The following DMD variants were observed in gnomAD, a reference collection of about 807,000 sequenced individuals.
The protein encoded by DMD is mutant dystrophin.
DMD carries 63 observed loss-of-function variants against 330.1 expected under a neutral mutation model. That is an observed-to-expected ratio of 0.19 (90% confidence interval 0.16 to 0.24). The LOEUF is 0.24. Among genes scored for constraint, DMD ranks in the 10% least tolerant of loss-of-function variants. The pLI, the probability that DMD is intolerant of heterozygous loss-of-function variation, is 1.00. For missense variants in DMD, 3,344 were observed against 2,684.1 expected (o/e 1.25, Z -5.43); for synonymous variants, 1,223 against 959.8 (o/e 1.27, Z -5.07).
At chrX:32,474,208 T>TACACACACACACACAC (rs3045001) in intron 21 of DMD, among the ~76,000 whole-genome samples, 2 of 41,281 alleles carry the variant, frequency 4.8e-5, no homozygotes, top group African/African-American at 8.9e-5. Flanking sequence ...CATACATACA[T>TACACACACACACACAC]ACACACACAC....
At position 32,087,083 on chromosome X, in the gene DMD, T is replaced by A. The variant is rs1446007225; in HGVS notation, c.6439-118569A>T. Among the ~76,000 whole-genome samples, 3 of 111,676 alleles carry A rather than the reference T, an allele frequency of 2.7e-5. No individual in the cohort carries two copies. The East Asian group carries it at 8.4e-4, about 31-fold the overall frequency. ...TTGCCTATCTTAACCACCACTCCCT[T>A]TCTAATGACTAGGAAAGAGTATAAT... On this transcript the variant is annotated intron_variant, in intron 44 of 78. Transcript: ENST00000357033.
chrX:32,706,136 A>G (rs1403006968), intron 7 of DMD, among the ~76,000 whole-genome samples: 1 of 102,684 alleles, frequency 9.7e-6, no homozygotes, highest in African/African-American at 3.6e-5. Flanking sequence ...ACAAAAAACC[A>G]AACACTGCAT....
At chrX:31,921,762 G>C (rs188043516) in intron 47 of DMD, among the ~76,000 whole-genome samples, 91 of 111,890 alleles carry the variant, frequency 8.1e-4, no homozygotes, top group Non-Finnish European at 6.6e-4. Flanking sequence ...GAATTTTATG[G>C]ATGTTATAAC....
chrX:32,634,500 C>T (rs1317413578), intron 11 of DMD, among the ~76,000 whole-genome samples: 1 of 112,188 alleles, frequency 8.9e-6, no homozygotes, highest in South Asian at 3.7e-4. Flanking sequence ...CAAGTACTGC[C>T]TGGCTACAGC....
intron 44 of DMD, among the ~76,000 whole-genome samples, chrX:32,155,927 C>T (rs1225286000): frequency 9.3e-6 from 1 of 107,221 alleles, no homozygotes; most frequent in African/African-American, 3.4e-5. Context: ...TGCTGAACAG[C>T]TCCAGAGGGT....
At chrX:31,341,919 A>G (rs997891335) in intron 61 of DMD, among the ~76,000 whole-genome samples, 16 of 109,382 alleles carry the variant, frequency 1.5e-4, no homozygotes, top group African/African-American at 4.4e-4. Context: ...ACACACACAC[A>G]CGCATGTACA....
chrX:32,181,692 C>A (rs1456734), intron 44 of DMD, among the ~76,000 whole-genome samples: 25,033 of 110,480 alleles, frequency 0.23, 2,259 homozygotes, highest in East Asian at 0.36. Flanking sequence ...GGCAGATCTA[C>A]AGTGGAATAG....
chrX:32,595,105 A>G (rs1321556925), intron 13 of DMD, among the ~76,000 whole-genome samples: 1 of 112,032 alleles, frequency 8.9e-6, no homozygotes, highest in Non-Finnish European at 1.9e-5. Flanking sequence ...GGAAGGCAGT[A>G]GCCATTAAAG....
chrX:31,943,878 T>A (rs111317065), intron 45 of DMD, among the ~76,000 whole-genome samples: 817 of 73,362 alleles, frequency 0.011, no homozygotes, highest in South Asian at 0.015. Context: ...CCCCAGAGAG[T>A]GAGAGAGAGA....
intron 44 of DMD, among the ~76,000 whole-genome samples, chrX:32,092,364 A>C (rs1248306321): frequency 8.9e-6 from 1 of 111,928 alleles, no homozygotes; most frequent in Non-Finnish European, 1.9e-5. Flanking sequence ...ACTTCAGACA[A>C]GGCCCCTTCT....
At chrX:33,148,397 A>G (rs1452012487) in intron 1 of DMD, among the ~76,000 whole-genome samples, 1 of 112,195 alleles carries the variant, frequency 8.9e-6, no homozygotes, top group East Asian at 2.8e-4. Flanking sequence ...ATTTTTCACA[A>G]TGATTTATTG....
chrX:32,417,043 C>CAGA (rs2098168789), intron 29 of DMD, among the ~76,000 whole-genome samples: 1 of 112,035 alleles, frequency 8.9e-6, no homozygotes, highest in African/African-American at 3.2e-5. Flanking sequence ...TGACCTAACT[C>CAGA]TTCTATTTAA....
chrX:33,327,259 C>A (rs1308807440), intron 1 of DMD, among the ~76,000 whole-genome samples: 1 of 111,446 alleles, frequency 9.0e-6, no homozygotes, highest in Non-Finnish European at 1.9e-5. Flanking sequence ...GGGACTCTAG[C>A]CAAGGACTAG....
At chrX:32,795,801 A>G (rs1348422161) in intron 7 of DMD, among the ~76,000 whole-genome samples, 2 of 111,837 alleles carry the variant, frequency 1.8e-5, no homozygotes, top group Non-Finnish European at 3.8e-5. Flanking sequence ...ACAAAGGACA[A>G]TAATAAGTAT....
chrX:32,363,604 C>T (rs972790943), intron 36 of DMD, among the ~76,000 whole-genome samples: 2 of 112,015 alleles, frequency 1.8e-5, no homozygotes, highest in Admixed American at 1.9e-4. Context: ...GATGACATCT[C>T]TGACTATACA....
intron 55 of DMD, among the ~76,000 whole-genome samples, chrX:31,626,331 T>C (rs2078845005): frequency 9.0e-6 from 1 of 111,425 alleles, no homozygotes; most frequent in South Asian, 3.8e-4. Flanking sequence ...TTTATCAGCA[T>C]TTATAATATT....
chrX:32,720,909 A>G (rs2066234537), intron 7 of DMD, among the ~76,000 whole-genome samples: 1 of 111,639 alleles, frequency 9.0e-6, no homozygotes. Context: ...TCACCATTCT[A>G]CTGTCTATGT....
chrX:33,052,539 G>T (rs7885948), intron 1 of DMD, among the ~76,000 whole-genome samples: 9,901 of 111,009 alleles, frequency 0.089, 1,084 homozygotes, highest in African/African-American at 0.31. Flanking sequence ...CTGATTCAAA[G>T]GGGAATTCAA....
intron 18 of DMD, among the ~76,000 whole-genome samples, chrX:32,513,270 G>A (rs1030991353): frequency 8.9e-6 from 1 of 112,198 alleles, no homozygotes; most frequent in Admixed American, 9.4e-5. Context: ...GCTATCAGTA[G>A]CTGATTTTAT....
Sources: gnomAD v4.1 joint callset for allele counts (sites outside exome capture counted in the v4.1 genomes callset) on GRCh38, gnomAD v4.1.1 for gene constraint, MANE v1.5 for transcripts, NCBI Gene and HGNC (gene_info 2026-07-23, HGNC 2026-07-21) for gene names.